SNX9: variants seen among roughly 807,000 people sequenced by gnomAD.
SNX9 encodes sorting nexin 9.
In SNX9, 44 loss-of-function variants were observed where a neutral mutation model predicts 89.4. The ratio of observed to expected loss-of-function variants is 0.49; its 90% CI spans 0.39 to 0.63. The LOEUF is 0.63. Ranked by LOEUF, SNX9 falls within the 30% of genes least tolerant of loss-of-function variation. SNX9 has a pLI of 0.00. For missense variants in SNX9, 578 were observed against 736.1 expected (o/e 0.79, Z 2.49); for synonymous variants, 236 against 247.8 (o/e 0.95, Z 0.45).
At chr6:157,897,692 T>A (rs548677917) in intron 5 of SNX9, among the ~76,000 whole-genome samples, 1 of 152,164 alleles carries the variant, frequency 6.6e-6, no homozygotes, top group East Asian at 1.9e-4. Flanking sequence ...TTTTTTGTAT[T>A]TTTATTAGAG....
chr6:157,908,566 A>G (rs3792940), intron 7 of SNX9, among the ~76,000 whole-genome samples: 32,953 of 152,156 alleles, frequency 0.22, 3,644 homozygotes, highest in Non-Finnish European at 0.23. Context: ...ACTTGAGACT[A>G]TTGGTGACTC....
At chr6:157,871,449 G>C (rs1562600333) in intron 2 of SNX9, among the ~76,000 whole-genome samples, 1 of 151,976 alleles carries the variant, frequency 6.6e-6, no homozygotes, top group South Asian at 2.1e-4. Flanking sequence ...AGGTGTGCAT[G>C]TTCTCATTCA....
intron 1 of SNX9, among the ~76,000 whole-genome samples, chr6:157,840,520 A>G (rs886750147): frequency 6.9e-6 from 1 of 144,774 alleles, no homozygotes; most frequent in African/African-American, 2.6e-5. Flanking sequence ...TTTCTTTTTT[A>G]AAGAGTTGAG....
At chr6:157,864,428 G>A (rs1210102468) in intron 1 of SNX9, among the ~76,000 whole-genome samples, 1 of 152,180 alleles carries the variant, frequency 6.6e-6, no homozygotes, top group Non-Finnish European at 1.5e-5. Flanking sequence ...TTAAGTGTGT[G>A]AGGCTGTTTC....
chr6:157,931,979 C>G (rs1655817391), intron 12 of SNX9, among the ~76,000 whole-genome samples: 1 of 152,130 alleles, frequency 6.6e-6, no homozygotes, highest in Admixed American at 6.5e-5. Context: ...GAGTGATTGT[C>G]AGTAATAATA....
chr6:157,836,813 G>C (rs544884736), intron 1 of SNX9, among the ~76,000 whole-genome samples: 6 of 152,024 alleles, frequency 3.9e-5, no homozygotes, highest in Non-Finnish European at 7.4e-5. Context: ...GGATGGTCTC[G>C]ATCTCCTGAC....
chr6:157,847,217 C>T (rs1781822809), intron 1 of SNX9, among the ~76,000 whole-genome samples: 1 of 152,110 alleles, frequency 6.6e-6, no homozygotes, highest in Non-Finnish European at 1.5e-5. Flanking sequence ...ATCCTCCTAC[C>T]TCAGCCTCCA....
intron 6 of SNX9, among the ~76,000 whole-genome samples, chr6:157,905,594 G>T (rs1452180099): frequency 7.1e-6 from 1 of 141,378 alleles, no homozygotes; most frequent in Non-Finnish European, 1.5e-5. Context: ...CTACTAAAGA[G>T]ACTTGTTTTC....
intron 3 of SNX9, 33 bp downstream of exon 3, chr6:157,873,209 T>G: frequency 6.7e-7 from 1 of 1,492,022 alleles, no homozygotes; most frequent in Non-Finnish European, 9.0e-7. Context: ...TCATTAGAGC[T>G]CATCTTTGCC....
chr6:157,864,273 C>T (rs1361505929), intron 1 of SNX9, among the ~76,000 whole-genome samples: 1 of 152,112 alleles, frequency 6.6e-6, no homozygotes, highest in Non-Finnish European at 1.5e-5. Flanking sequence ...GTGTTGATCC[C>T]CTCTTGAGGA....
chr6:157,931,953 G>A (rs1160709320), intron 12 of SNX9, among the ~76,000 whole-genome samples: 2 of 152,158 alleles, frequency 1.3e-5, no homozygotes, highest in African/African-American at 2.4e-5. Context: ...ATCTCATTTG[G>A]TGAATGAGAA....
At chr6:157,837,543 T>G (rs1157965032) in intron 1 of SNX9, among the ~76,000 whole-genome samples, 2 of 152,254 alleles carry the variant, frequency 1.3e-5, no homozygotes, top group East Asian at 3.8e-4. Context: ...TACCTAATTT[T>G]GATGAATTTG....
At chr6:157,838,348 C>G (rs967541602) in intron 1 of SNX9, among the ~76,000 whole-genome samples, 2 of 151,794 alleles carry the variant, frequency 1.3e-5, no homozygotes, top group Non-Finnish European at 2.9e-5. Flanking sequence ...CAGTCTCTCT[C>G]TAGAATTTAT....
At position 157,824,721 on chromosome 6, in the gene SNX9, T is replaced by C. The variant is rs114923103; in HGVS notation, c.12+1275T>C. Among the ~76,000 whole-genome samples, 570 of 152,326 alleles carry C rather than the reference T, an allele frequency of 3.7e-3. 2 individuals carry two copies. The highest frequency in any genetic ancestry group is 0.013 in the African/African-American group (543 of 41,558). ...CCTCCAGGGAACCTGTTGCTGCTGT[T>C]ACTGAAATAATTACCTTCTTGTTAA... On this transcript the variant is annotated intron_variant, in intron 1 of 17. Transcript: ENST00000392185.
intron 12 of SNX9, among the ~76,000 whole-genome samples, chr6:157,929,235 G>A (rs1783759099): frequency 6.6e-6 from 1 of 152,108 alleles, no homozygotes; most frequent in East Asian, 1.9e-4. Context: ...TTGTTTGTAG[G>A]CTTTCATTCT....
Position 157,906,210 on chromosome 6 carries a change from A to G in SNX9, c.703A>G (p.Ile235Val). 6.2e-7 allele frequency: 1 copy of G among 1,602,374 alleles called. No homozygotes were observed. Among genetic ancestry groups the G allele is most frequent in the Non-Finnish European group, 8.5e-7 (1 of 1,176,638 alleles). The change falls in exon 7 of 18, where the codon ATT becomes GTT. Residue 235 changes from isoleucine to valine, a missense_variant and splice_region_variant. Around this residue, in one of 2 missense-constraint regions of SNX9, gnomAD observed 348 missense variants for 491.4 expected, o/e 0.71. Coordinates refer to ENST00000392185, the MANE Select transcript of SNX9 (RefSeq NM_016224.5). Reference sequence around the variant, plus strand: ...AAAACCCAAAGAGAAAATTCCCATCATTGTAAGTTTGTTTATTTTTGTTTG... The same window carrying G: ...AAAACCCAAAGAGAAAATTCCCATCGTTGTAAGTTTGTTTATTTTTGTTTG... Reference protein sequence around the residue: ...LAKPKEKIPIIVGDYGPMWVY... With the variant: ...LAKPKEKIPIVVGDYGPMWVY...
chr6:157,942,634 G>T (rs1367986581), intron 17 of SNX9, among the ~76,000 whole-genome samples, 157 bp from the exon 18 acceptor site: 1 of 152,254 alleles, frequency 6.6e-6, no homozygotes. Context: ...GTTAAGGTCT[G>T]TCCAGCAGCA....
At position 157,921,212 on chromosome 6, in the gene SNX9, A is replaced by AT. The variant is rs1236512777; in HGVS notation, c.950-310dup. Among the ~76,000 whole-genome samples, 308 of 151,744 alleles carry AT rather than the reference A, an allele frequency of 2.0e-3. 2 individuals carry two copies. Among genetic ancestry groups the AT allele is most frequent in the African/African-American group, 6.8e-3 (281 of 41,394 alleles). On this transcript the variant is annotated intron_variant, in intron 9 of 17. Transcript: ENST00000392185. ...GGTTTTCATGTTGAGATAAGATTTA[A>AT]TTTTTTTTTAGTACTTTAAGGATAC...
intron 10 of SNX9, among the ~76,000 whole-genome samples, chr6:157,923,432 A>G (rs879349218): frequency 3.3e-5 from 5 of 152,106 alleles, no homozygotes; most frequent in African/African-American, 9.7e-5. Context: ...AAAATCTAAA[A>G]AAAAAATAAC....
Sources: gnomAD v4.1 joint callset for allele counts (sites outside exome capture counted in the v4.1 genomes callset) on GRCh38, gnomAD v4.1.1 for gene constraint, gnomAD v4.1.1 regional missense constraint, MANE v1.5 for transcripts, NCBI Gene and HGNC (gene_info 2026-07-23, HGNC 2026-07-21) for gene names.